The following PLXNA4 variants were observed in gnomAD, a reference collection of about 807,000 sequenced individuals.
PLXNA4 encodes the protein plexin A4, also known as plexin-A4.
Under a neutral mutation model 191.8 loss-of-function variants are expected in PLXNA4, and 44 were observed. The ratio of observed to expected loss-of-function variants is 0.23; its 90% CI spans 0.18 to 0.29. The LOEUF (loss-of-function observed/expected upper bound fraction) is 0.29. Among genes scored for constraint, PLXNA4 ranks in the 10% least tolerant of loss-of-function variants. PLXNA4 has a pLI of 1.00. For missense variants in PLXNA4, 1,800 were observed against 2,488.8 expected, an observed-to-expected ratio of 0.72 and a Z score of 5.89; for synonymous variants, 1,082 against 1,009.5, an observed-to-expected ratio of 1.07 and a Z score of -1.36.
intron 21 of PLXNA4, among the ~76,000 whole-genome samples, chr7:132,171,001 C>G (rs533471447): frequency 3.9e-5 from 6 of 152,308 alleles, no homozygotes; most frequent in Non-Finnish European, 8.8e-5. Context: ...CCTGCCTCCC[C>G]CAGTTCTCCC....
intron 2 of PLXNA4, among the ~76,000 whole-genome samples, chr7:132,598,065 T>C (rs894383939): frequency 2.6e-4 from 39 of 152,200 alleles, no homozygotes; most frequent in African/African-American, 8.7e-4. Flanking sequence ...GACTAACTTG[T>C]GCTATGTTGC....
chr7:132,157,825 GT>G (rs1381602833), intron 25 of PLXNA4, among the ~76,000 whole-genome samples: 2 of 152,200 alleles, frequency 1.3e-5, no homozygotes, highest in African/African-American at 4.8e-5. Flanking sequence ...CCACTCAATT[GT>G]TTGGACGTGG....
intron 3 of PLXNA4, among the ~76,000 whole-genome samples, chr7:132,323,232 G>A (rs1198765726): frequency 6.6e-6 from 1 of 152,186 alleles, no homozygotes; most frequent in African/African-American, 2.4e-5. Flanking sequence ...GCCAGCAGAT[G>A]ATTCATGAAA....
intron 2 of PLXNA4, among the ~76,000 whole-genome samples, chr7:132,583,419 C>T (rs1449141454): frequency 6.6e-6 from 1 of 152,214 alleles, no homozygotes; most frequent in Non-Finnish European, 1.5e-5. Context: ...CCCTCCACAC[C>T]ATTCTCCTTG....
chr7:132,474,576 TCACTGGGGTCTCCGAAGTTCTC>T (rs1266103712), intron 3 of PLXNA4, among the ~76,000 whole-genome samples: 3 of 151,590 alleles, frequency 2.0e-5, no homozygotes, highest in Non-Finnish European at 4.4e-5. Flanking sequence ...CTCACTTTCT[TCACTGGGGTCTCCGAAGTTCTC>T]CCAAAGAGAT....
At chr7:132,352,250 C>T (rs944541261) in intron 3 of PLXNA4, 4 of 152,538 alleles carry the variant, frequency 2.6e-5, no homozygotes, top group Admixed American at 6.5e-5. Flanking sequence ...CTGATAAGTG[C>T]CCAGAGGCCG....
chr7:132,414,681 C>T (rs549558106), intron 3 of PLXNA4, among the ~76,000 whole-genome samples: 1 of 152,226 alleles, frequency 6.6e-6, no homozygotes, highest in East Asian at 1.9e-4. Context: ...ATTAATCAGC[C>T]CCCAGTCCCC....
At chr7:132,605,873 C>A (rs1802915094) in intron 2 of PLXNA4, among the ~76,000 whole-genome samples, 1 of 152,112 alleles carries the variant, frequency 6.6e-6, no homozygotes, top group East Asian at 1.9e-4. Context: ...TGGAGCCATG[C>A]AGATGCAGGT....
rs35467841 is a variant in PLXNA4, at chr7:132,490,423, C to CTTTTTTTT, written c.1189-957_1189-950dup. ...ATTTTATTCACTGAACCTTTTCTTC[C>CTTTTTTTT]TTTTTTTTTTTTTTTTTTTTGAGAC... is the stretch of plus-strand genomic sequence containing the variant. On this transcript the variant is annotated intron_variant, in intron 2 of 31. Transcript: ENST00000321063. Among the ~76,000 whole-genome samples the CTTTTTTTT allele has an allele frequency of 3.6e-5, 4 of 110,502 alleles. 1 individual carries two copies. The highest frequency in any genetic ancestry group is 3.4e-5 in the Non-Finnish European group (2 of 59,446). The allele number at this position is 110,502 out of a possible 152,430, so 72.5% of individuals were successfully genotyped here.
intron 10 of PLXNA4, among the ~76,000 whole-genome samples, chr7:132,209,748 G>A (rs891173243): frequency 6.6e-6 from 1 of 152,132 alleles, no homozygotes; most frequent in African/African-American, 2.4e-5. Flanking sequence ...GACTCTCCTG[G>A]TCGCACATCA....
Position 132,189,009 on chromosome 7 carries a change from A to AAAG in PLXNA4, c.2857-1403_2857-1402insCTT, listed in dbSNP as rs1796992834. On this transcript the variant is annotated intron_variant, in intron 14 of 31. Coordinates refer to ENST00000321063, the MANE Select transcript of PLXNA4 (RefSeq NM_020911.2). ...GAAAGGAAAGGAGAGAGAGAGAGAG[A>AAAG]GAGAGAGAGAGAGAGAGAGAAAGAG... Among the ~76,000 whole-genome samples, 459 of 54,290 alleles carry AAAG rather than the reference A, an allele frequency of 8.5e-3. 7 individuals are homozygous for AAAG. The highest frequency in any genetic ancestry group is 0.011 in the Non-Finnish European group (248 of 23,180). The allele number at this position is 54,290 out of a possible 152,430, so 35.6% of individuals were successfully genotyped here. A position where few individuals can be genotyped will look rare whatever the true frequency, so the allele number is the denominator to read the frequency against.
chr7:132,329,224 C>T (rs1043914600), intron 3 of PLXNA4, among the ~76,000 whole-genome samples: 1 of 152,216 alleles, frequency 6.6e-6, no homozygotes, highest in African/African-American at 2.4e-5. Flanking sequence ...CACTCCATGC[C>T]TTCCTGTAGG....
intron 2 of PLXNA4, among the ~76,000 whole-genome samples, chr7:132,597,842 T>G (rs1024587834): frequency 3.6e-5 from 2 of 54,922 alleles, no homozygotes; most frequent in Non-Finnish European, 1.1e-4. Context: ...CATGTTGCGC[T>G]CTCTCTCTCT....
rs145554743 is a variant in PLXNA4, at chr7:132,203,538, G to C, written c.2299-119C>G. The C allele has an allele frequency of 2.2e-3, 1,760 of 815,488 alleles. 7 individuals carry two copies. In the Middle Eastern group the frequency reaches 0.027, roughly 12 times the overall value. The allele number at this position is 815,488 out of a possible 1,614,324, so 50.5% of individuals were successfully genotyped here. ...CACAGGCTAAAGACTGGCCAAGACT[G>C]TGCTTGTGTGCATGTGTCTACCTGT... On this transcript the variant is annotated intron_variant, in intron 10 of 31. Transcript: ENST00000321063.
chr7:132,344,400 C>T (rs754395561), intron 3 of PLXNA4, among the ~76,000 whole-genome samples: 19 of 152,120 alleles, frequency 1.2e-4, no homozygotes, highest in Non-Finnish European at 2.5e-4. Context: ...AAACTTTGAG[C>T]TCCCCAGAGG....
chr7:132,509,120 C>T (rs116690548), intron 1 of PLXNA4, among the ~76,000 whole-genome samples: 5,902 of 150,624 alleles, frequency 0.039, 374 homozygotes, highest in African/African-American at 0.13. Context: ...GGGTCAGGTG[C>T]CACCAGCAGG....
At chr7:132,440,357 G>A (rs1411550653) in intron 3 of PLXNA4, among the ~76,000 whole-genome samples, 2 of 152,174 alleles carry the variant, frequency 1.3e-5, no homozygotes, top group Admixed American at 1.3e-4. Context: ...ACTTTTGAAA[G>A]TATACTCTCC....
chr7:132,576,728 TCCA>T, upstream of PLXNA4: 2 of 417,008 alleles, frequency 4.8e-6, no homozygotes, highest in Non-Finnish European at 6.4e-6. The surrounding 1 kb of genome is among the most constrained non-coding windows in gnomAD (Gnocchi z 5.8). Flanking sequence ...ACCCCTTTCC[TCCA>T]CCCAGCCCCG....
rs916110643 is a variant in PLXNA4, at chr7:132,125,037, A to T, written c.*5442T>A. ...TTATGGGGGAGCAAAAATTTGTAGT[A>T]AAAAAAAAAAAACTCTCTCTTGCAT... is the stretch of plus-strand genomic sequence containing the variant. On this transcript the variant is annotated 3_prime_UTR_variant, in exon 32 of 32. Coordinates refer to ENST00000321063, the MANE Select transcript of PLXNA4 (RefSeq NM_020911.2). The T allele has an allele frequency of 2.1e-5, 3 of 141,208 alleles. No individual in the cohort carries two copies. Among genetic ancestry groups the T allele is most frequent in the East Asian group, 2.0e-4 (1 of 4,924 alleles). 8.7% of individuals were successfully genotyped at this position (141,208 alleles called of 1,614,324 possible).
Sources: allele counts gnomAD v4.1 joint callset (sites outside exome capture counted in the v4.1 genomes callset), GRCh38; gene constraint gnomAD v4.1.1; non-coding constraint Gnocchi (gnomAD v3.1); transcripts MANE v1.5; gene names NCBI Gene and HGNC (gene_info 2026-07-23, HGNC 2026-07-21).